The following HMBOX1 variants were observed in gnomAD, a reference collection of about 807,000 sequenced individuals.
The protein encoded by HMBOX1 is homeobox-containing protein 1.
HMBOX1 carries 14 observed loss-of-function variants against 54.5 expected under a neutral mutation model. That is an observed-to-expected ratio of 0.26 (90% CI 0.17 to 0.40). HMBOX1 has a LOEUF of 0.40. HMBOX1 is among the 10% of genes least tolerant of loss of function. The pLI is 1.00. For synonymous variants in HMBOX1, 160 were observed against 181.0 expected (o/e 0.88, Z 0.93); for missense variants, 332 against 514.4 (o/e 0.65, Z 3.43).
intron 6 of HMBOX1, among the ~76,000 whole-genome samples, chr8:29,044,587 G>A (rs1369255161): frequency 1.3e-5 from 2 of 152,036 alleles, no homozygotes; most frequent in Non-Finnish European, 2.9e-5. Context: ...TCAGTAACTG[G>A]TATTTAAGCT....
At chr8:28,905,577 T>C (rs1322662214) in intron 1 of HMBOX1, among the ~76,000 whole-genome samples, 2 of 152,244 alleles carry the variant, frequency 1.3e-5, no homozygotes, top group Non-Finnish European at 2.9e-5. Flanking sequence ...CACAAATCTT[T>C]AGGTATTTGG....
chr8:28,932,937 G>A (rs1378215238), intron 1 of HMBOX1, among the ~76,000 whole-genome samples: 1 of 152,114 alleles, frequency 6.6e-6, no homozygotes, highest in African/African-American at 2.4e-5. Context: ...TCTTTACATG[G>A]TGATCTCTGT....
At chr8:28,900,568 C>T (rs1004268682) in intron 1 of HMBOX1, among the ~76,000 whole-genome samples, 1 of 151,860 alleles carries the variant, frequency 6.6e-6, no homozygotes, top group Non-Finnish European at 1.5e-5. Flanking sequence ...GTCAGTAGAT[C>T]GTGACATGGG....
intron 1 of HMBOX1, among the ~76,000 whole-genome samples, chr8:28,953,935 G>T (rs902318481): frequency 3.3e-5 from 5 of 152,092 alleles, no homozygotes; most frequent in Non-Finnish European, 5.9e-5. Context: ...TGCATATTTT[G>T]TATCTTTGTA....
intron 6 of HMBOX1, among the ~76,000 whole-genome samples, chr8:29,025,149 A>G (rs1029453199): frequency 6.6e-6 from 1 of 152,208 alleles, no homozygotes; most frequent in African/African-American, 2.4e-5. Context: ...TAGAAAATGG[A>G]TAAAAAGTGA....
chr8:29,020,825 A>C (rs1032701400), intron 6 of HMBOX1, among the ~76,000 whole-genome samples: 1 of 152,180 alleles, frequency 6.6e-6, no homozygotes, highest in African/African-American at 2.4e-5. Context: ...TGGGTAAATA[A>C]ATACATATGC....
intron 2 of HMBOX1, among the ~76,000 whole-genome samples, chr8:28,969,352 G>A (rs1243040146): frequency 6.6e-6 from 1 of 152,158 alleles, no homozygotes; most frequent in African/African-American, 2.4e-5. Context: ...GAATAGCATT[G>A]TTTGGCTACA....
At chr8:28,901,454 C>G (rs936980076) in intron 1 of HMBOX1, among the ~76,000 whole-genome samples, 1 of 152,084 alleles carries the variant, frequency 6.6e-6, no homozygotes, top group Admixed American at 6.5e-5. Flanking sequence ...CTCCCTCCTC[C>G]TCTCACCTAA....
At position 28,942,489 on chromosome 8, in the gene HMBOX1, A is replaced by G. The variant is rs1174854316; in HGVS notation, c.-57-21322A>G. ...TACTGCCCCCATCCCTCAGTTATTA[A>G]GTTCTCCTCCTTGAGGGAATTAATA... On this transcript the variant is annotated intron_variant, in intron 1 of 9. Transcript: ENST00000287701. 6.6e-5 allele frequency among the ~76,000 whole-genome samples: 10 copies of G among 152,302 alleles called. No individual in the cohort carries two copies. The East Asian group carries it at 9.6e-4, about 15-fold the overall frequency.
intron 9 of HMBOX1, chr8:29,049,421 C>T (rs1263458111): frequency 2.0e-6 from 3 of 1,525,584 alleles, no homozygotes; most frequent in East Asian, 4.9e-5. Flanking sequence ...ACGACACACA[C>T]TCAGTGTTTG....
chr8:28,977,081 T>G (rs1586221864), intron 3 of HMBOX1, among the ~76,000 whole-genome samples: 1 of 152,242 alleles, frequency 6.6e-6, no homozygotes, highest in African/African-American at 2.4e-5. Context: ...TGCTACTGTT[T>G]GACAGATTTT....
intron 1 of HMBOX1, among the ~76,000 whole-genome samples, chr8:28,907,031 A>G (rs2131622805): frequency 6.6e-6 from 1 of 151,290 alleles, no homozygotes; most frequent in South Asian, 2.2e-4. Flanking sequence ...ATGTTATCAA[A>G]ATTATTTGAA....
At chr8:29,006,822 A>G (rs536020669) in intron 4 of HMBOX1, among the ~76,000 whole-genome samples, 3 of 152,188 alleles carry the variant, frequency 2.0e-5, no homozygotes, top group African/African-American at 7.2e-5. Context: ...GGAAGATTTC[A>G]TATTGGAACC....
intron 1 of HMBOX1, among the ~76,000 whole-genome samples, chr8:28,943,946 G>T (rs940527012): frequency 1.3e-5 from 2 of 151,914 alleles, no homozygotes; most frequent in Non-Finnish European, 2.9e-5. Context: ...GTCAAAATAC[G>T]TCCACAGGAT....
chr8:28,989,482 C>T (rs528998619), intron 4 of HMBOX1, among the ~76,000 whole-genome samples: 1 of 152,130 alleles, frequency 6.6e-6, no homozygotes, highest in East Asian at 1.9e-4. Flanking sequence ...AGCCTTTCCC[C>T]GTTTGATTAC....
chr8:28,944,573 A>G (rs888245517), intron 1 of HMBOX1, among the ~76,000 whole-genome samples: 3 of 152,212 alleles, frequency 2.0e-5, no homozygotes, highest in African/African-American at 4.8e-5. Context: ...TTGGATTACT[A>G]TTCCCATTGG....
intron 5 of HMBOX1, 140 bp downstream of exon 5, chr8:29,009,322 A>G (rs1833900316): frequency 2.9e-6 from 3 of 1,042,746 alleles, no homozygotes; most frequent in East Asian, 5.6e-5. Flanking sequence ...AAAGACTCTT[A>G]ACAGTAAAAG....
chr8:28,931,410 G>A (rs1170427613), intron 1 of HMBOX1, among the ~76,000 whole-genome samples: 1 of 152,118 alleles, frequency 6.6e-6, no homozygotes, highest in East Asian at 1.9e-4. Flanking sequence ...AGTTAAGTGT[G>A]ACAACTTATT....
At position 28,980,079 on chromosome 8, in the gene HMBOX1, G is replaced by A; in HGVS notation, c.509G>A (p.Ser170Asn). Residue 170 changes from serine to asparagine, a missense_variant, in exon 4 of 10, where the codon AGC becomes AAC. Transcript: ENST00000287701. ...TCTTCTGTTTTTGTTAGGAGGGACA[G>A]CAGTGTGATAAAAGAGGAAATCAAA... ...DKVEELMRRDSSVIKEEIKAF... is the reference protein window; with the variant it reads ...DKVEELMRRDNSVIKEEIKAF... 6 of 1,612,002 alleles carry A rather than the reference G, an allele frequency of 3.7e-6. No individual in the cohort carries two copies. Among genetic ancestry groups the A allele is most frequent in the Non-Finnish European group, 5.1e-6 (6 of 1,178,112 alleles).
Sources: gnomAD v4.1 joint callset for allele counts (sites outside exome capture counted in the v4.1 genomes callset) on GRCh38, gnomAD v4.1.1 for gene constraint, MANE v1.5 for transcripts, NCBI Gene and HGNC (gene_info 2026-07-23, HGNC 2026-07-21) for gene names.